DKK3: variants seen among roughly 807,000 people sequenced by gnomAD.
DKK3 encodes the protein dickkopf-related protein 3.
A neutral mutation model predicts 33.2 loss-of-function variants in DKK3; 22 were observed. The ratio of observed to expected loss-of-function variants is 0.66; its 90% CI spans 0.47 to 0.95. The LOEUF (loss-of-function observed/expected upper bound fraction) is 0.95. Among genes scored for constraint, DKK3 ranks in the 40% least tolerant of loss-of-function variants. The pLI is 0.00. For synonymous variants in DKK3, 194 were observed against 188.8 expected, an observed-to-expected ratio of 1.03 and a Z score of -0.23; for missense variants, 398 against 458.4, an observed-to-expected ratio of 0.87 and a Z score of 1.20.
At chr11:11,980,175 T>A (rs1847925768) in intron 3 of DKK3, among the ~76,000 whole-genome samples, 1 of 152,240 alleles carries the variant, frequency 6.6e-6, no homozygotes, top group Admixed American at 6.5e-5. Context: ...CCCAGGACCC[T>A]GACACCACAT....
At chr11:12,009,461 T>G, upstream of DKK3, 1 of 870,288 alleles carries the variant, frequency 1.1e-6, no homozygotes, top group African/African-American at 2.1e-5. Flanking sequence ...GCCGGCCACC[T>G]CACGCCCCAC....
chr11:12,000,606 G>T (rs1042152514), intron 2 of DKK3, among the ~76,000 whole-genome samples: 1 of 151,688 alleles, frequency 6.6e-6, no homozygotes, highest in African/African-American at 2.4e-5. Flanking sequence ...CCAGGTTCAA[G>T]TGATTCTCCT....
intron 2 of DKK3, among the ~76,000 whole-genome samples, chr11:12,000,421 G>A (rs929716484): frequency 2.0e-5 from 3 of 152,108 alleles, no homozygotes; most frequent in African/African-American, 7.2e-5. Flanking sequence ...TGGCCAGGCT[G>A]GTCTCGAGCT....
chr11:11,964,871 C>A, intron 6 of DKK3, 185 bp from the exon 7 acceptor site: 1 of 1,330,472 alleles, frequency 7.5e-7, no homozygotes. Flanking sequence ...GGGAGGCTCA[C>A]TTTGGGAGAA....
intron 3 of DKK3, chr11:11,968,733 C>A: frequency 4.5e-6 from 2 of 445,436 alleles, no homozygotes; most frequent in East Asian, 8.1e-5. Flanking sequence ...TTCACACAAT[C>A]GCCATCTGTG....
intron 1 of DKK3, among the ~76,000 whole-genome samples, chr11:12,007,131 G>T (rs1848552599): frequency 2.0e-5 from 3 of 152,178 alleles, no homozygotes; most frequent in Admixed American, 2.0e-4. Context: ...CCCCTTCACT[G>T]CAAACTCCAC....
At chr11:11,984,667 A>AG (rs1043646237) in intron 3 of DKK3, among the ~76,000 whole-genome samples, 3 of 151,598 alleles carry the variant, frequency 2.0e-5, no homozygotes, top group Admixed American at 6.6e-5. Flanking sequence ...AAAAAAAAAA[A>AG]AAAAAGAAAA....
intron 1 of DKK3, among the ~76,000 whole-genome samples, chr11:12,003,953 G>T (rs1208597525): frequency 6.6e-6 from 1 of 152,140 alleles, no homozygotes; most frequent in Non-Finnish European, 1.5e-5. Context: ...GCTCAACAAG[G>T]ACTTAGTCAG....
intron 3 of DKK3, among the ~76,000 whole-genome samples, chr11:11,984,337 T>C (rs141743124): frequency 1.1e-3 from 170 of 152,350 alleles, no homozygotes; most frequent in African/African-American, 3.8e-3. Context: ...GACAACTCTC[T>C]TCATCTCTAA....
chr11:11,981,992 C>T (rs1847963888), intron 3 of DKK3, among the ~76,000 whole-genome samples: 1 of 152,196 alleles, frequency 6.6e-6, no homozygotes, highest in African/African-American at 2.4e-5. Context: ...TCAGCTGCTG[C>T]AGGTGCTCCC....
rs1401320749 is a variant in DKK3, at chr11:11,992,156, G to C, written c.435+6540C>G. On this transcript the variant is annotated intron_variant, in intron 3 of 6. Transcript: ENST00000683431. The stretch of plus-strand genomic sequence containing the variant: ...CCAAAATAATCAAATCATAACAAAT[G>C]CCTGCTATTTACTGACTTCTTACTC... Among the ~76,000 whole-genome samples the C allele has an allele frequency of 2.6e-5, 4 of 152,090 alleles. No homozygotes were observed. In the East Asian group the frequency reaches 7.7e-4, roughly 29 times the overall value.
chr11:11,993,917 G>A (rs1036610300), intron 3 of DKK3, among the ~76,000 whole-genome samples: 4 of 152,068 alleles, frequency 2.6e-5, no homozygotes, highest in Non-Finnish European at 5.9e-5. Flanking sequence ...CTAGTCCCCT[G>A]GTCGTTCATT....
intron 3 of DKK3, among the ~76,000 whole-genome samples, chr11:11,993,797 C>G (rs1798213252): frequency 1.3e-5 from 2 of 152,200 alleles, no homozygotes; most frequent in African/African-American, 4.8e-5. Context: ...TTCACACAAG[C>G]CTTTGCTATC....
upstream of DKK3, chr11:12,009,610 G>A: frequency 1.0e-6 from 1 of 985,936 alleles, no homozygotes; most frequent in Non-Finnish European, 1.2e-6. Context: ...CCGAGGTTGG[G>A]GGTAGGGGGA....
chr11:12,001,557 C>T (rs1848428625), intron 2 of DKK3: 1 of 152,224 alleles, frequency 6.6e-6, no homozygotes, highest in African/African-American at 2.4e-5. Flanking sequence ...CACAACGACC[C>T]TGAATATCTG....
chr11:11,966,111 A>AG, intron 5 of DKK3, 146 bp from the exon 6 acceptor site: 1 of 1,016,064 alleles, frequency 9.8e-7, no homozygotes, highest in Non-Finnish European at 1.4e-6. Flanking sequence ...GAATGACAGG[A>AG]AACAAGAATA....
At chr11:12,008,637 G>A (rs1335841720), upstream of DKK3, 2 of 1,311,852 alleles carry the variant, frequency 1.5e-6, no homozygotes, top group African/African-American at 1.6e-5. This position sits in a 1 kb window ranked among gnomAD's most constrained non-coding sequence, Gnocchi z 4.6. Context: ...GATCAGAGGC[G>A]CGCGGACCAC....
intron 4 of DKK3, 48 bp from the exon 5 acceptor site, chr11:11,967,146 G>C: frequency 6.3e-7 from 1 of 1,595,700 alleles, no homozygotes; most frequent in Non-Finnish European, 8.5e-7. Flanking sequence ...AGGGACTGGG[G>C]GCCTGCTGAG....
At chr11:12,006,322 C>T (rs1848535336) in intron 1 of DKK3, among the ~76,000 whole-genome samples, 1 of 152,224 alleles carries the variant, frequency 6.6e-6, no homozygotes, top group Non-Finnish European at 1.5e-5. Context: ...GGGATAGCTG[C>T]CCAACTCACT....
Sources: gnomAD v4.1 joint callset for allele counts (sites outside exome capture counted in the v4.1 genomes callset) on GRCh38, gnomAD v4.1.1 for gene constraint, Gnocchi (gnomAD v3.1) non-coding constraint, MANE v1.5 for transcripts, NCBI Gene and HGNC (gene_info 2026-07-23, HGNC 2026-07-21) for gene names.